Variants in HCRTR2 observed in about 807,000 individuals in gnomAD.
HCRTR2 encodes orexin receptor type 2.
In HCRTR2, 22 loss-of-function variants were observed where a neutral mutation model predicts 49.0. That is an observed-to-expected ratio of 0.45 (90% CI 0.32 to 0.64). The LOEUF is 0.64. Among genes scored for constraint, HCRTR2 ranks in the 30% least tolerant of loss-of-function variants. HCRTR2 has a pLI of 0.04. For missense variants in HCRTR2, 491 were observed against 559.4 expected, an observed-to-expected ratio of 0.88 and a Z score of 1.23; for synonymous variants, 236 against 205.3, an observed-to-expected ratio of 1.15 and a Z score of -1.28.
rs12332910 is a variant in HCRTR2 at position 55,185,567 on chromosome 6, T to G, written c.223+10757T>G. 8.6e-3 allele frequency among the ~76,000 whole-genome samples: 1,315 copies of G among 152,294 alleles called. 20 individuals carry two copies. Among genetic ancestry groups the G allele is most frequent in the African/African-American group, 0.03 (1,260 of 41,558 alleles). Reference sequence around the variant, plus strand: ...CAGTTTGGGGATTGGATGATATGAATAATATAATTAATACACCCTAATTTT... The same window carrying G: ...CAGTTTGGGGATTGGATGATATGAAGAATATAATTAATACACCCTAATTTT... On this transcript the variant is annotated intron_variant, in intron 1 of 6. Coordinates refer to ENST00000370862, the MANE Select transcript of HCRTR2 (RefSeq NM_001384272.1).
chr6:55,116,574 A>C (rs1270193077), intron 1 of HCRTR2, among the ~76,000 whole-genome samples: 1 of 151,542 alleles, frequency 6.6e-6, no homozygotes, highest in East Asian at 1.9e-4. Flanking sequence ...TTAAAATTAA[A>C]AATATTTCTT....
At chr6:55,129,036 TG>T (rs1322146840) in intron 1 of HCRTR2, among the ~76,000 whole-genome samples, 1 of 152,164 alleles carries the variant, frequency 6.6e-6, no homozygotes, top group East Asian at 1.9e-4. Context: ...ATCTTTGTTT[TG>T]TTTTGGTTTT....
chr6:55,265,662 G>A (rs1012711837), intron 4 of HCRTR2, among the ~76,000 whole-genome samples: 2 of 152,090 alleles, frequency 1.3e-5, no homozygotes, highest in Non-Finnish European at 2.9e-5. Context: ...ACATCACAGG[G>A]TAATGGGGAG....
intron 1 of HCRTR2, among the ~76,000 whole-genome samples, chr6:55,112,893 A>C (rs1764068815): frequency 6.6e-6 from 1 of 152,114 alleles, no homozygotes; most frequent in South Asian, 2.1e-4. Flanking sequence ...ACAAGGCTAT[A>C]GTCAACAAAA....
chr6:55,215,879 A>G (rs550294821), intron 1 of HCRTR2, among the ~76,000 whole-genome samples: 1 of 152,348 alleles, frequency 6.6e-6, no homozygotes, highest in African/African-American at 2.4e-5. Context: ...CTATAACTAA[A>G]CATCTGAGAC....
chr6:55,130,933 A>T lies in HCRTR2; in HGVS notation c.-378+24388A>T, dbSNP rs142527079. On this transcript the variant is annotated intron_variant, in intron 1 of 7. Transcript: ENST00000615358. The stretch of plus-strand genomic sequence containing the variant: ...GATTGCTTGAGATTCATGAATCATA[A>T]CCATCAGGATTTAACAATTTCCAGA... Among the ~76,000 whole-genome samples the T allele has an allele frequency of 3.3e-3, 509 of 151,968 alleles. 7 individuals carry two copies. Among genetic ancestry groups the T allele is most frequent in the African/African-American group, 0.012 (483 of 41,560 alleles).
intron 1 of HCRTR2, among the ~76,000 whole-genome samples, chr6:55,152,016 G>A (rs1764670632): frequency 6.6e-6 from 1 of 151,916 alleles, no homozygotes; most frequent in South Asian, 2.1e-4. Context: ...AAACCATGCT[G>A]TAAGCAGACC....
chr6:55,208,053 A>G (rs1222485524), intron 1 of HCRTR2, among the ~76,000 whole-genome samples: 1 of 152,146 alleles, frequency 6.6e-6, no homozygotes, highest in Non-Finnish European at 1.5e-5. Context: ...TGAGATTTAT[A>G]TTTGGAAGAG....
intron 1 of HCRTR2, among the ~76,000 whole-genome samples, chr6:55,163,168 C>T (rs746160372): frequency 6.6e-6 from 1 of 151,806 alleles, no homozygotes; most frequent in Admixed American, 6.6e-5. Context: ...ACCCAGGAGA[C>T]GGAGCTTGCA....
At chr6:55,190,814 A>G (rs1165848127) in intron 1 of HCRTR2, among the ~76,000 whole-genome samples, 1 of 152,184 alleles carries the variant, frequency 6.6e-6, no homozygotes, top group Non-Finnish European at 1.5e-5. Flanking sequence ...TTCAGAACGT[A>G]TGCCTGACTT....
At chr6:55,210,028 T>A (rs2127291053) in intron 1 of HCRTR2, among the ~76,000 whole-genome samples, 1 of 152,204 alleles carries the variant, frequency 6.6e-6, no homozygotes, top group Admixed American at 6.6e-5. Flanking sequence ...AGTAGAAAAC[T>A]TTTAGATAAA....
chr6:55,145,929 C>CA (rs1199336133), intron 1 of HCRTR2, among the ~76,000 whole-genome samples: 2 of 151,528 alleles, frequency 1.3e-5, no homozygotes, highest in African/African-American at 2.4e-5. Context: ...CCCTCAACAA[C>CA]AAAAAAATGA....
At chr6:55,187,838 G>A (rs1478077042) in intron 1 of HCRTR2, among the ~76,000 whole-genome samples, 6 of 151,996 alleles carry the variant, frequency 3.9e-5, no homozygotes, top group Admixed American at 2.0e-4. Flanking sequence ...GTGCAGTGGC[G>A]CAATCTCGCC....
chr6:55,152,750 C>G (rs1018140539), intron 1 of HCRTR2, among the ~76,000 whole-genome samples: 3 of 151,898 alleles, frequency 2.0e-5, no homozygotes, highest in Non-Finnish European at 4.4e-5. Context: ...TTCCCAAAGG[C>G]CTCACTTTCT....
chr6:55,166,567 G>T (rs541684071), intron 1 of HCRTR2, among the ~76,000 whole-genome samples: 1 of 152,218 alleles, frequency 6.6e-6, no homozygotes, highest in Non-Finnish European at 1.5e-5. Context: ...GTGTTGATAA[G>T]AATGTGGAAA....
chr6:55,188,770 A>G (rs1381973000), intron 1 of HCRTR2, among the ~76,000 whole-genome samples: 1 of 152,212 alleles, frequency 6.6e-6, no homozygotes, highest in African/African-American at 2.4e-5. Flanking sequence ...AAACTATAGT[A>G]TGAGGATTAC....
At chr6:55,140,846 A>G (rs1344903509) in intron 1 of HCRTR2, among the ~76,000 whole-genome samples, 1 of 152,196 alleles carries the variant, frequency 6.6e-6, no homozygotes, top group East Asian at 1.9e-4. Context: ...TATACCTACA[A>G]GTAATTTAAT....
intron 1 of HCRTR2, among the ~76,000 whole-genome samples, chr6:55,190,835 A>T (rs1765302916): frequency 6.6e-6 from 1 of 151,764 alleles, no homozygotes; most frequent in African/African-American, 2.4e-5. Context: ...ATCAAGTCAG[A>T]ATTTCAGGGA....
At chr6:55,265,738 C>T (rs1766849068) in intron 4 of HCRTR2, among the ~76,000 whole-genome samples, 1 of 151,946 alleles carries the variant, frequency 6.6e-6, no homozygotes, top group African/African-American at 2.4e-5. Flanking sequence ...AACACAAGGG[C>T]CAGACTGCAT....
Sources: allele counts gnomAD v4.1 joint callset (sites outside exome capture counted in the v4.1 genomes callset), GRCh38; gene constraint gnomAD v4.1.1; transcripts MANE v1.5; gene names NCBI Gene and HGNC (gene_info 2026-07-23, HGNC 2026-07-21).